RGS12: variants seen among roughly 807,000 people sequenced by gnomAD.
RGS12 encodes the protein regulator of G-protein signaling 12.
A neutral mutation model predicts 120.1 loss-of-function variants in RGS12; 66 were observed. The observed-to-expected ratio is 0.55, with a 90% CI of 0.45 to 0.67. The LOEUF is 0.67. Among genes scored for constraint, RGS12 ranks in the 30% least tolerant of loss-of-function variants. RGS12 has a pLI of 0.00. For missense variants in RGS12, 1,859 were observed against 1,957.7 expected, an observed-to-expected ratio of 0.95 and a Z score of 0.95; for synonymous variants, 827 against 804.7, an observed-to-expected ratio of 1.03 and a Z score of -0.47.
intron 4 of RGS12, among the ~76,000 whole-genome samples, chr4:3,406,183 C>G (rs1721100851): frequency 6.6e-6 from 1 of 152,172 alleles, no homozygotes; most frequent in Admixed American, 6.5e-5. Context: ...GGTGACCGGC[C>G]AGAAAGGAGT....
intron 10 of RGS12, among the ~76,000 whole-genome samples, chr4:3,421,564 G>A (rs2109154238): frequency 6.6e-6 from 1 of 152,382 alleles, no homozygotes; most frequent in East Asian, 1.9e-4. Context: ...ACGTGAGCCA[G>A]CTGGCTGGTC....
rs1717390705 is a variant in RGS12 at position 3,374,298 on chromosome 4, C to T, written c.1999-12118C>T. ...GCAGCAGCGCCCTCCGGGTTCCCCTCCTCTCCTCCGACTCCACTGGCTTTT... is the reference window on the plus strand; with the variant it reads ...GCAGCAGCGCCCTCCGGGTTCCCCTTCTCTCCTCCGACTCCACTGGCTTTT... On this transcript the variant is annotated intron_variant, in intron 3 of 17. Transcript: ENST00000336727. This position sits in a 1 kb window ranked among gnomAD's most constrained non-coding sequence, Gnocchi z 6.3. Among the ~76,000 whole-genome samples the T allele has an allele frequency of 6.6e-6, 1 of 152,222 alleles. No individual in the cohort carries two copies. Among genetic ancestry groups the T allele is most frequent in the African/African-American group, 2.4e-5 (1 of 41,462 alleles).
At chr4:3,373,953 G>T (rs918843336) in intron 3 of RGS12, among the ~76,000 whole-genome samples, 1 of 152,198 alleles carries the variant, frequency 6.6e-6, no homozygotes, top group Non-Finnish European at 1.5e-5. Flanking sequence ...GACACCTTGT[G>T]CTGTAAGCTG....
intron 10 of RGS12, 145 bp downstream of exon 10, chr4:3,420,863 C>G: frequency 1.3e-6 from 1 of 753,824 alleles, no homozygotes; most frequent in Admixed American, 2.7e-5. Context: ...GGTGCCGGCC[C>G]AGGCACAGTG....
the RGS12 span, among the ~76,000 whole-genome samples, chr4:3,286,704 A>C: frequency 1.3e-5 from 2 of 152,202 alleles, no homozygotes; most frequent in African/African-American, 4.8e-5. Context: ...AGGCGGGGCC[A>C]GCGCTGCACA....
intron 3 of RGS12, chr4:3,385,907 C>T (rs1362140096): frequency 6.0e-6 from 1 of 165,552 alleles, no homozygotes; most frequent in Non-Finnish European, 1.3e-5. Flanking sequence ...GGCCCCGTTC[C>T]ACTCCTGTGG....
chr4:3,297,788 C>G (rs1210027531), intron 1 of RGS12, among the ~76,000 whole-genome samples: 1 of 152,216 alleles, frequency 6.6e-6, no homozygotes, highest in Non-Finnish European at 1.5e-5. Flanking sequence ...GCATTTCCCG[C>G]TGCTGTCCTC....
intron 4 of RGS12, among the ~76,000 whole-genome samples, chr4:3,403,895 G>A (rs766876233): frequency 2.8e-4 from 42 of 152,240 alleles, no homozygotes; most frequent in Non-Finnish European, 5.4e-4. Flanking sequence ...GGCTATTGAC[G>A]TGGGGTGATG....
chr4:3,424,923 CCT>C (rs1393380667), intron 13 of RGS12, among the ~76,000 whole-genome samples: 2 of 152,212 alleles, frequency 1.3e-5, no homozygotes, highest in Admixed American at 6.5e-5. Context: ...CTGTCATTCC[CCT>C]GACTGACAGA....
intron 1 of RGS12, among the ~76,000 whole-genome samples, chr4:3,312,178 A>G (rs1724443163): frequency 6.6e-6 from 1 of 152,098 alleles, no homozygotes; most frequent in African/African-American, 2.4e-5. Flanking sequence ...GGAATCCAGT[A>G]CCCCATGGTC....
chr4:3,371,844 C>T (rs999355715), intron 3 of RGS12, among the ~76,000 whole-genome samples: 7 of 152,232 alleles, frequency 4.6e-5, no homozygotes, highest in Admixed American at 1.3e-4. Context: ...CGCAGCAGCG[C>T]TCTTTTGGAG....
chr4:3,306,576 G>A (rs1723977527), intron 1 of RGS12, among the ~76,000 whole-genome samples: 1 of 152,242 alleles, frequency 6.6e-6, no homozygotes, highest in Admixed American at 6.5e-5. Context: ...CCTCAGTCAG[G>A]CACTGGCCTT....
chr4:3,331,371 A>T (rs1464856211), intron 2 of RGS12, among the ~76,000 whole-genome samples: 1 of 152,206 alleles, frequency 6.6e-6, no homozygotes, highest in African/African-American at 2.4e-5. Flanking sequence ...TCAACTTCTT[A>T]TGATGGGAAT....
At chr4:3,435,260 G>A (rs556119119) in intron 17 of RGS12, among the ~76,000 whole-genome samples, 4 of 152,260 alleles carry the variant, frequency 2.6e-5, no homozygotes, top group African/African-American at 7.2e-5. Flanking sequence ...CCCTGGGGGT[G>A]AAAGTACCCC....
chr4:3,291,632 T>A (rs1304298700), upstream of RGS12, among the ~76,000 whole-genome samples: 1 of 152,064 alleles, frequency 6.6e-6, no homozygotes, highest in Non-Finnish European at 1.5e-5. Flanking sequence ...CTGGCACGAG[T>A]CACCGCGCCT....
At chr4:3,381,943 A>G (rs1310106297) in intron 3 of RGS12, among the ~76,000 whole-genome samples, 6 of 152,206 alleles carry the variant, frequency 3.9e-5, no homozygotes, top group Admixed American at 3.9e-4. Flanking sequence ...CACTGTGTAA[A>G]CTGGGGTCCA....
At chr4:3,338,756 C>T (rs769397197) in intron 2 of RGS12, among the ~76,000 whole-genome samples, 1 of 152,186 alleles carries the variant, frequency 6.6e-6, no homozygotes, top group African/African-American at 2.4e-5. Context: ...CTCAGACAGT[C>T]GTGAGGAGTC....
At chr4:3,435,798 G>A (rs979019179) in intron 17 of RGS12, among the ~76,000 whole-genome samples, 16 of 151,608 alleles carry the variant, frequency 1.1e-4, no homozygotes, top group African/African-American at 3.9e-4. Context: ...CTTGCAGAGT[G>A]GAAGTCTCAG....
rs2109252858 is a variant in RGS12, at chr4:3,433,570, C to G, written c.4114+2615C>G. On this transcript the variant is annotated intron_variant, in intron 17 of 17. Transcript: ENST00000336727. The surrounding 1 kb of genome is among the most constrained non-coding windows in gnomAD (Gnocchi z 4.4). ...ACACCACCCCATCCTAGCCCCAGCACCACGTGCCATGCCACCCTGTCCTAG... is the reference window on the plus strand; with the variant it reads ...ACACCACCCCATCCTAGCCCCAGCAGCACGTGCCATGCCACCCTGTCCTAG... Among the ~76,000 whole-genome samples the G allele has an allele frequency of 6.6e-6, 1 of 151,764 alleles. No homozygotes were observed. Among genetic ancestry groups the G allele is most frequent in the African/African-American group, 2.4e-5 (1 of 41,332 alleles).
Sources: allele counts gnomAD v4.1 joint callset (sites outside exome capture counted in the v4.1 genomes callset), GRCh38; gene constraint gnomAD v4.1.1; non-coding constraint Gnocchi (gnomAD v3.1); transcripts MANE v1.5; gene names NCBI Gene and HGNC (gene_info 2026-07-23, HGNC 2026-07-21).